ASTN2: variants seen among roughly 807,000 people sequenced by gnomAD.
The protein encoded by ASTN2 is astrotactin-2.
ASTN2 carries 54 observed loss-of-function variants against 139.8 expected under a neutral mutation model. The observed-to-expected ratio is 0.39, with a 90% CI of 0.31 to 0.48. The LOEUF (loss-of-function observed/expected upper bound fraction) is 0.48, where lower values mean the gene tolerates loss of function less well. ASTN2 is among the 20% of genes least tolerant of loss of function. The pLI is 0.95. For synonymous variants in ASTN2, 756 were observed against 719.5 expected (o/e 1.05, Z -0.81); for missense variants, 1,565 against 1,725.1 (o/e 0.91, Z 1.64).
At chr9:116,585,346 G>A (rs1300883547) in intron 19 of ASTN2, 1 of 152,206 alleles carries the variant, frequency 6.6e-6, no homozygotes. Context: ...TCCCAGTAGA[G>A]TGCCTGTCAT....
chr9:116,462,199 T>G (rs1394231027), intron 20 of ASTN2, among the ~76,000 whole-genome samples: 4 of 152,162 alleles, frequency 2.6e-5, no homozygotes. Context: ...ATGTAAAACC[T>G]TTGAACTGAT....
rs376007099 is a variant in ASTN2 at position 116,698,349 on chromosome 9, C to A, written c.2806+27422G>T. ...GGTCCAGGATGAGCTGGCTCGCTCT[C>A]GGAAGTTCTTCACAGGCTCTTTGGC... On this transcript the variant is annotated intron_variant, in intron 16 of 22. Transcript: ENST00000313400. The surrounding 1 kb of genome is among the most constrained non-coding windows in gnomAD (Gnocchi z 4.4). The A allele has an allele frequency of 2.5e-6, 4 of 1,613,988 alleles. No homozygotes were observed. Among genetic ancestry groups the A allele is most frequent in the African/African-American group, 1.3e-5 (1 of 74,896 alleles).
At position 116,442,510 on chromosome 9, in the gene ASTN2, G is replaced by T. The variant is rs767241739; in HGVS notation, c.3541C>A (p.Leu1181Ile). ...AVDTRGRHSE[L>I]STVTLRTACP... Reference sequence around the variant, plus strand: ...GCCGTCCTCAGGGTCACCGTGCTTAGCTCTGAGTGCCTCCCTCGTGTATCC... The same window carrying T: ...GCCGTCCTCAGGGTCACCGTGCTTATCTCTGAGTGCCTCCCTCGTGTATCC... Residue 1181 changes from leucine (L) to isoleucine (I), a missense_variant, in exon 21 of 23, where the codon CTA becomes ATA. Around this residue, in one of 4 missense-constraint regions of ASTN2, gnomAD observed 418 missense variants for 465.8 expected, o/e 0.90. Transcript: ENST00000313400. The T allele has an allele frequency of 1.4e-5, 23 of 1,614,020 alleles. No homozygotes were observed. The highest frequency in any genetic ancestry group is 7.7e-5 in the South Asian group (7 of 91,070).
intron 3 of ASTN2, among the ~76,000 whole-genome samples, chr9:117,209,871 T>C (rs1479193399): frequency 6.6e-6 from 1 of 152,098 alleles, no homozygotes; most frequent in Non-Finnish European, 1.5e-5. Context: ...CTGACCACAG[T>C]GGAATAAAAC....
At chr9:116,979,133 T>C (rs1008645609) in intron 7 of ASTN2, among the ~76,000 whole-genome samples, 3 of 152,198 alleles carry the variant, frequency 2.0e-5, no homozygotes, top group Admixed American at 2.0e-4. Flanking sequence ...CTGCTTAATC[T>C]TTGTATTCCC....
At chr9:117,112,829 A>G (rs1285977048) in intron 4 of ASTN2, among the ~76,000 whole-genome samples, 1 of 152,192 alleles carries the variant, frequency 6.6e-6, no homozygotes, top group Non-Finnish European at 1.5e-5. Context: ...CAAGCTACAT[A>G]ATCGGGGAAA....
chr9:116,679,736 A>G (rs889755340), intron 16 of ASTN2, among the ~76,000 whole-genome samples: 49 of 152,332 alleles, frequency 3.2e-4, no homozygotes, highest in Admixed American at 2.0e-3. Context: ...AAACCGCTCA[A>G]CTACATGGAA....
At chr9:117,331,642 G>T (rs909691540) in intron 1 of ASTN2, among the ~76,000 whole-genome samples, 3 of 152,136 alleles carry the variant, frequency 2.0e-5, no homozygotes, top group African/African-American at 7.2e-5. Flanking sequence ...CATGGCCTAT[G>T]GTGGGTGCTC....
intron 11 of ASTN2, among the ~76,000 whole-genome samples, chr9:116,839,844 T>TTTA (rs770383479): frequency 7.4e-5 from 10 of 135,622 alleles, no homozygotes; most frequent in African/African-American, 2.5e-4. Flanking sequence ...CTGATTTTTT[T>TTTA]ATTTTATTTT....
intron 13 of ASTN2, among the ~76,000 whole-genome samples, chr9:116,755,612 C>T (rs1829513196): frequency 6.6e-6 from 1 of 152,222 alleles, no homozygotes; most frequent in African/African-American, 2.4e-5. Context: ...TTTTGCTTAA[C>T]CCATCCAGTT....
At chr9:117,233,715 T>A (rs1245884299) in intron 2 of ASTN2, among the ~76,000 whole-genome samples, 2 of 152,108 alleles carry the variant, frequency 1.3e-5, no homozygotes, top group Non-Finnish European at 2.9e-5. Flanking sequence ...ACAAAGGAAT[T>A]GCACTTATGG....
intron 4 of ASTN2, among the ~76,000 whole-genome samples, chr9:117,114,573 T>G (rs1325344909): frequency 6.7e-6 from 1 of 149,056 alleles, no homozygotes; most frequent in African/African-American, 2.4e-5. Flanking sequence ...AACCTAAGTT[T>G]GAGGCTTTTT....
intron 13 of ASTN2, among the ~76,000 whole-genome samples, chr9:116,759,719 A>G (rs1829626827): frequency 6.6e-6 from 1 of 152,088 alleles, no homozygotes; most frequent in Admixed American, 6.5e-5. Flanking sequence ...TTTTCTTTAT[A>G]TCACTTATAA....
intron 7 of ASTN2, among the ~76,000 whole-genome samples, chr9:116,977,075 C>T (rs1836360753): frequency 6.6e-6 from 1 of 152,146 alleles, no homozygotes; most frequent in Non-Finnish European, 1.5e-5. Flanking sequence ...GAGCTCACAA[C>T]TTAAGACAGG....
At chr9:117,244,696 A>AGAAGGAGAAAG (rs1338576108) in intron 2 of ASTN2, among the ~76,000 whole-genome samples, 1 of 128,944 alleles carries the variant, frequency 7.8e-6, no homozygotes, top group Non-Finnish European at 1.6e-5. Flanking sequence ...AAGGAAGGAG[A>AGAAGGAGAAAG]GAAGGAGAAA....
chr9:116,457,256 A>G (rs1395359250), intron 20 of ASTN2, among the ~76,000 whole-genome samples: 1 of 152,216 alleles, frequency 6.6e-6, no homozygotes, highest in Admixed American at 6.6e-5. Flanking sequence ...CTACTACAAG[A>G]AAACACTGGG....
chr9:117,165,390 G>A (rs1223947803), intron 3 of ASTN2, among the ~76,000 whole-genome samples: 6 of 152,066 alleles, frequency 3.9e-5, no homozygotes, highest in Non-Finnish European at 8.8e-5. Context: ...GCAGCAAGGG[G>A]CAAGGCTTAG....
At chr9:116,775,189 G>A (rs1830049157) in intron 13 of ASTN2, among the ~76,000 whole-genome samples, 1 of 151,914 alleles carries the variant, frequency 6.6e-6, no homozygotes, top group Non-Finnish European at 1.5e-5. Context: ...CCCCAGGATG[G>A]CGATTCCACT....
chr9:116,692,578 C>T (rs1002118104), intron 16 of ASTN2, among the ~76,000 whole-genome samples: 2 of 152,166 alleles, frequency 1.3e-5, no homozygotes, highest in African/African-American at 2.4e-5. Context: ...AACTTGCTCA[C>T]GTCTCCACAA....
Sources: allele counts gnomAD v4.1 joint callset (sites outside exome capture counted in the v4.1 genomes callset), GRCh38; gene constraint gnomAD v4.1.1; regional missense constraint gnomAD v4.1.1; non-coding constraint Gnocchi (gnomAD v3.1); transcripts MANE v1.5; gene names NCBI Gene and HGNC (gene_info 2026-07-23, HGNC 2026-07-21).